Variants in USP40 observed in about 807,000 individuals in gnomAD.
USP40 encodes the protein ubiquitin specific peptidase 40.
In USP40, 143 loss-of-function variants were observed where a neutral mutation model predicts 166.2. The ratio of observed to expected loss-of-function variants is 0.86; its 90% CI spans 0.75 to 0.99. The LOEUF is 0.99. Ranked by LOEUF, USP40 falls within the 50% of genes least tolerant of loss-of-function variation. USP40 has a pLI of 0.00. For synonymous variants in USP40, 498 were observed against 524.0 expected (o/e 0.95, Z 0.68); for missense variants, 1,444 against 1,479.7 (o/e 0.98, Z 0.40).
In USP40 at chr2:233,542,425, T is replaced by C. The variant is rs576568176; in HGVS notation, c.967-62A>G. 10 of 1,026,162 alleles carry C rather than the reference T, an allele frequency of 9.7e-6. No homozygotes were observed. The East Asian group carries it at 2.1e-4, about 22-fold the overall frequency. The allele number at this position is 1,026,162 out of a possible 1,614,324, so 63.6% of individuals were successfully genotyped here. A position where few individuals can be genotyped will look rare whatever the true frequency, so the allele number is the denominator to read the frequency against. ...CCCTTAAAAAGTAACAAAATAGGAA[T>C]GTTGGCCAGGCACAGTAGCTCACAC... On this transcript the variant is annotated intron_variant, in intron 8 of 31. Coordinates refer to ENST00000678225, the MANE Select transcript of USP40 (RefSeq NM_001365479.2).
intron 7 of USP40, 58 bp downstream of exon 7, chr2:233,551,318 T>TA: frequency 3.3e-6 from 5 of 1,526,486 alleles, no homozygotes; most frequent in Non-Finnish European, 4.4e-6. Context: ...ATCGGGTCAA[T>TA]AATAGATTCA....
rs190850993 is a variant in USP40 at position 233,482,301 on chromosome 2, T to G, written c.3505-1004A>C. On this transcript the variant is annotated intron_variant, in intron 30 of 31. Transcript: ENST00000678225. ...GTCACTTGAACTCGGGAGGTGGAGG[T>G]TCCAGTGAGTCAAGATTGCGCCACT... 1.3e-4 allele frequency among the ~76,000 whole-genome samples: 20 copies of G among 151,492 alleles called. No homozygotes were observed. The East Asian group carries it at 3.9e-3, about 30-fold the overall frequency.
intron 12 of USP40, 145 bp downstream of exon 12, chr2:233,529,285 TA>T: frequency 1.6e-6 from 1 of 610,002 alleles, no homozygotes; most frequent in Non-Finnish European, 2.7e-6. Flanking sequence ...ACCCTCACTA[TA>T]AAAATTCAGC....
At chr2:233,507,295 C>T (rs1225419111) in intron 21 of USP40, among the ~76,000 whole-genome samples, 1 of 152,172 alleles carries the variant, frequency 6.6e-6, no homozygotes, top group Non-Finnish European at 1.5e-5. Flanking sequence ...ATAGAACTAT[C>T]ATGTGATTCA....
intron 21 of USP40, among the ~76,000 whole-genome samples, chr2:233,508,130 T>C (rs1347609757): frequency 3.3e-5 from 5 of 152,318 alleles, no homozygotes; most frequent in Non-Finnish European, 7.4e-5. Flanking sequence ...TATAATTTCA[T>C]CTGTAAATAT....
At chr2:233,509,838 TAAAAAAAAAAAA>T (rs746629187) in intron 21 of USP40, among the ~76,000 whole-genome samples, 199 bp downstream of exon 21, 2 of 80,826 alleles carry the variant, frequency 2.5e-5, no homozygotes, top group Admixed American at 2.9e-4. Context: ...TGAGACTCTC[TAAAAAAAAAAAA>T]AAAAAAAAAA....
intron 6 of USP40, among the ~76,000 whole-genome samples, chr2:233,554,101 A>G (rs1322345362): frequency 1.3e-5 from 2 of 152,236 alleles, no homozygotes; most frequent in Non-Finnish European, 2.9e-5. Flanking sequence ...AAATATATAC[A>G]ACTTTTTTCA....
intron 6 of USP40, among the ~76,000 whole-genome samples, chr2:233,553,211 T>C (rs1254613709): frequency 6.6e-6 from 1 of 152,214 alleles, no homozygotes; most frequent in Non-Finnish European, 1.5e-5. Context: ...ATTTAGCAAT[T>C]AACTAGCATT....
At chr2:233,498,689 CTTGCACCCAGAGCACCTTAACT>C in intron 22 of USP40, 77 bp from the exon 23 acceptor site, 1 of 1,246,972 alleles carries the variant, frequency 8.0e-7, no homozygotes. Flanking sequence ...AGAAGAATGT[CTTGCACCCAGAGCACCTTAACT>C]TCCTTTCCAG....
intron 28 of USP40, 165 bp downstream of exon 28, chr2:233,488,074 T>C: frequency 1.4e-6 from 1 of 729,542 alleles, no homozygotes; most frequent in South Asian, 1.5e-5. Flanking sequence ...AAGTTTTAGA[T>C]GCCCAGACAT....
intron 18 of USP40, among the ~76,000 whole-genome samples, chr2:233,517,650 G>A (rs2067321485): frequency 6.6e-6 from 1 of 152,130 alleles, no homozygotes; most frequent in South Asian, 2.1e-4. Flanking sequence ...GCCTCCCAAA[G>A]TGCTGGGATT....
chr2:233,482,799 G>A (rs1039964259), intron 30 of USP40, among the ~76,000 whole-genome samples: 20 of 152,164 alleles, frequency 1.3e-4, no homozygotes, highest in African/African-American at 2.4e-4. Context: ...CTCCCAGAGC[G>A]TTGGGATTAC....
Position 233,477,478 on chromosome 2 carries a change from T to C in USP40, c.3625A>G (p.Ser1209Gly). The C allele has an allele frequency of 6.2e-7, 1 of 1,613,716 alleles. No individual in the cohort carries two copies. Among genetic ancestry groups the C allele is most frequent in the East Asian group, 2.2e-5 (1 of 44,884 alleles). The part of the protein sequence containing the change: ...KSQEALHEQS[S>G]YILSSAETPA... ...GTCTCTGCACTGGAGAGGATGTAGC[T>C]GCTCTGCTCATGGAGGGCTTCTTGG... Residue 1209 changes from serine (S) to glycine (G), a missense_variant, in exon 32 of 32, where the codon AGC (serine) becomes GGC (glycine). Coordinates refer to ENST00000678225, the MANE Select transcript of USP40 (RefSeq NM_001365479.2).
chr2:233,513,272 C>T (rs953787197), intron 18 of USP40, among the ~76,000 whole-genome samples: 1 of 152,150 alleles, frequency 6.6e-6, no homozygotes, highest in East Asian at 1.9e-4. Context: ...GAGGTAGCTG[C>T]TGCTTCTATA....
chr2:233,524,818 G>C (rs943954023), intron 14 of USP40, among the ~76,000 whole-genome samples: 1 of 152,138 alleles, frequency 6.6e-6, no homozygotes, highest in East Asian at 1.9e-4. Flanking sequence ...CATGACATTG[G>C]AAACAGGAGT....
intron 24 of USP40, among the ~76,000 whole-genome samples, chr2:233,495,301 T>A (rs968391484): frequency 2.6e-5 from 4 of 151,950 alleles, no homozygotes; most frequent in African/African-American, 9.7e-5. Flanking sequence ...TATATACACA[T>A]TGAACTATGT....
chr2:233,551,045 T>G (rs543480333), intron 7 of USP40, among the ~76,000 whole-genome samples: 1 of 152,338 alleles, frequency 6.6e-6, no homozygotes, highest in Admixed American at 6.5e-5. Flanking sequence ...AAAATGACTC[T>G]AAATAAATCA....
rs751568956 is a variant in USP40, at chr2:233,549,162, T to A, written c.905A>T (p.Tyr302Phe). 5 of 1,590,214 alleles carry A rather than the reference T, an allele frequency of 3.1e-6. No individual in the cohort carries two copies. The African/African-American group carries it at 5.4e-5, about 17-fold the overall frequency. Reference protein sequence around the residue: ...FSVIIHKGGCYGGHYHVYIKD... With the variant: ...FSVIIHKGGCFGGHYHVYIKD... The stretch of plus-strand genomic sequence containing the variant: ...AATATATACATGGTAATGGCCTCCG[T>A]AGCAGCCACCTTTGTGTATAATAAC... The change falls in exon 8 of 32, where the codon TAC becomes TTC. Residue 302 changes from tyrosine (Y) to phenylalanine (F), a missense_variant. Physicochemically the swap from Tyr to Phe is conservative, Grantham distance 22. Coordinates refer to ENST00000678225, the MANE Select transcript of USP40 (RefSeq NM_001365479.2).
intron 4 of USP40, among the ~76,000 whole-genome samples, chr2:233,557,446 A>G (rs975528275): frequency 2.0e-5 from 3 of 152,266 alleles, no homozygotes; most frequent in Non-Finnish European, 2.9e-5. Context: ...ACTAGAATGT[A>G]CTGCTTTGAA....
Sources: allele counts gnomAD v4.1 joint callset (sites outside exome capture counted in the v4.1 genomes callset), GRCh38; gene constraint gnomAD v4.1.1; transcripts MANE v1.5; gene names NCBI Gene and HGNC (gene_info 2026-07-23, HGNC 2026-07-21).